The following ADGRV1 variants were observed in gnomAD, a reference collection of about 807,000 sequenced individuals.
The protein encoded by ADGRV1 is G-protein coupled receptor 98.
A neutral mutation model predicts 596.2 loss-of-function variants in ADGRV1; 359 were observed. That is an observed-to-expected ratio of 0.60 (90% CI 0.55 to 0.66). The LOEUF (loss-of-function observed/expected upper bound fraction) is 0.66. ADGRV1 is among the 30% of genes least tolerant of loss of function. The probability of loss-of-function intolerance (pLI) is 0.00; values close to 1 mark genes in which losing one functional copy is unlikely to be tolerated. For missense variants in ADGRV1, 7,274 were observed against 7,575.6 expected, an observed-to-expected ratio of 0.96 and a Z score of 1.48; for synonymous variants, 2,681 against 2,679.2, an observed-to-expected ratio of 1.00 and a Z score of -0.02.
chr5:90,820,345 A>G (rs1305242154), intron 75 of ADGRV1, among the ~76,000 whole-genome samples: 5 of 145,358 alleles, frequency 3.4e-5, no homozygotes, highest in African/African-American at 5.2e-5. Context: ...AATACAGCAC[A>G]CTGATGGGTC....
Position 90,829,010 on chromosome 5 carries a change from A to G in ADGRV1, c.16435A>G (p.Asn5479Asp). Reference protein sequence around the residue: ...YEATAGAAINNSARFAQIKIL... With the variant: ...YEATAGAAINDSARFAQIKIL... ...AGCTACTGCTGGAGCAGCAATAAACAACAGTGCCAGATTCGCACAGATTAA... is the reference window on the plus strand; with the variant it reads ...AGCTACTGCTGGAGCAGCAATAAACGACAGTGCCAGATTCGCACAGATTAA... The change falls in exon 77 of 90, where the codon AAC (asparagine) becomes GAC (aspartate). Residue 5479 changes from asparagine to aspartate, a missense_variant. By Grantham distance (23) the Asn-to-Asp change is conservative. Transcript: ENST00000405460. 1 of 1,609,786 alleles carries G rather than the reference A, an allele frequency of 6.2e-7. No homozygotes were observed. The highest frequency in any genetic ancestry group is 8.5e-7 in the Non-Finnish European group (1 of 1,177,268).
Position 90,791,007 on chromosome 5 carries a change from A to T in ADGRV1, c.14178A>T (p.Ile4726=). The stretch of plus-strand genomic sequence containing the variant: ...TGCTACCAGATGAGGTACCTGAGAT[A>T]GAGGAAGATTATGTGATCCAGCTTG... ...VHLLPDEVPE[I]EEDYVIQLVS... Residue 4726 remains isoleucine, a synonymous_variant, in exon 70 of 90, where the codon ATA becomes ATT. Transcript: ENST00000405460. The T allele has an allele frequency of 2.5e-6, 4 of 1,613,956 alleles. No homozygotes were observed. The highest frequency in any genetic ancestry group is 3.4e-6 in the Non-Finnish European group (4 of 1,179,870).
At chr5:90,980,080 A>G (rs1779961505) in intron 84 of ADGRV1, among the ~76,000 whole-genome samples, 1 of 152,148 alleles carries the variant, frequency 6.6e-6, no homozygotes, top group Non-Finnish European at 1.5e-5. Context: ...TGGGCTTTCA[A>G]TTAGGTACTC....
intron 58 of ADGRV1, among the ~76,000 whole-genome samples, chr5:90,760,376 C>T (rs892007377): frequency 4.6e-5 from 7 of 151,994 alleles, no homozygotes; most frequent in Non-Finnish European, 8.8e-5. Flanking sequence ...AGGGCCAATC[C>T]TCCAGCCTGT....
intron 1 of ADGRV1, among the ~76,000 whole-genome samples, chr5:90,566,197 G>T (rs1382163441): frequency 6.6e-6 from 1 of 151,782 alleles, no homozygotes; most frequent in Admixed American, 6.6e-5. Flanking sequence ...CTTTCCTTTG[G>T]TTGCTTATAC....
intron 56 of ADGRV1, 141 bp downstream of exon 56, chr5:90,756,771 C>G: frequency 1.2e-6 from 1 of 801,028 alleles, no homozygotes; most frequent in Non-Finnish European, 1.9e-6. Flanking sequence ...ATTCTTAGGT[C>G]TCTTTGGGCT....
intron 75 of ADGRV1, among the ~76,000 whole-genome samples, chr5:90,820,616 G>A (rs1581226995): frequency 6.6e-6 from 1 of 150,994 alleles, no homozygotes; most frequent in African/African-American, 2.4e-5. Context: ...GCCTGGTGGT[G>A]ACAAAATCTC....
At position 90,890,707 on chromosome 5, in the gene ADGRV1, C is replaced by A. The variant is rs116531075; in HGVS notation, c.17856+26850C>A. Among the ~76,000 whole-genome samples the A allele has an allele frequency of 9.4e-3, 1,433 of 152,248 alleles. 14 individuals carry two copies. Among genetic ancestry groups the A allele is most frequent in the Non-Finnish European group, 0.014 (944 of 68,010 alleles). Reference sequence around the variant, plus strand: ...GTGTAAATGTCTAGAAGGGTAATTTCTGGGCCACAGCATAAGGATATATTC... The same window carrying A: ...GTGTAAATGTCTAGAAGGGTAATTTATGGGCCACAGCATAAGGATATATTC... On this transcript the variant is annotated intron_variant, in intron 83 of 89. Transcript: ENST00000405460.
chr5:90,821,058 A>T (rs1763448663), intron 75 of ADGRV1, among the ~76,000 whole-genome samples: 1 of 152,154 alleles, frequency 6.6e-6, no homozygotes, highest in African/African-American at 2.4e-5. Flanking sequence ...TACACCAATC[A>T]GACGTAGATT....
chr5:90,724,699 C>G (rs1751531637), intron 45 of ADGRV1, 133 bp from the exon 46 acceptor site: 1 of 725,648 alleles, frequency 1.4e-6, no homozygotes, highest in African/African-American at 1.8e-5. Context: ...TCTTTTCACA[C>G]TCATACACAC....
At position 90,952,499 on chromosome 5, in the gene ADGRV1, G is replaced by A. The variant is rs191715231; in HGVS notation, c.17857-12916G>A. On this transcript the variant is annotated intron_variant, in intron 83 of 89. Transcript: ENST00000405460. ...AACACTGGAGTCTGTGGAAGGATGG[G>A]CTATCTTGACATCTGGAGCATTCTG... Among the ~76,000 whole-genome samples the A allele has an allele frequency of 2.0e-5, 3 of 152,264 alleles. No individual in the cohort carries two copies. In the East Asian group the frequency reaches 5.8e-4, roughly 29 times the overall value.
chr5:90,959,604 G>A (rs1163682704), intron 83 of ADGRV1, among the ~76,000 whole-genome samples: 1 of 152,036 alleles, frequency 6.6e-6, no homozygotes. Context: ...TGTAAACATA[G>A]ACAAATAGAT....
At chr5:90,745,008 A>T in intron 50 of ADGRV1, 38 bp from the exon 51 acceptor site, 1 of 1,461,778 alleles carries the variant, frequency 6.8e-7, no homozygotes, top group Non-Finnish European at 9.6e-7. Context: ...GTGACAGTTT[A>T]TATCTCACTC....
At chr5:91,130,365 C>G (rs13158589) in intron 87 of ADGRV1, among the ~76,000 whole-genome samples, 1 of 151,616 alleles carries the variant, frequency 6.6e-6, no homozygotes, top group Non-Finnish European at 1.5e-5. Context: ...AACCCTGTCT[C>G]TACTAAAAAT....
chr5:90,623,232 A>C (rs1274928369), intron 5 of ADGRV1, among the ~76,000 whole-genome samples: 1 of 152,264 alleles, frequency 6.6e-6, no homozygotes, highest in African/African-American at 2.4e-5. Flanking sequence ...CTTACATGAA[A>C]TACAAGTAAC....
chr5:90,747,577 A>C (rs1463555015), intron 52 of ADGRV1, among the ~76,000 whole-genome samples: 1 of 152,062 alleles, frequency 6.6e-6, no homozygotes, highest in African/African-American at 2.4e-5. Flanking sequence ...TTGAGTTGTC[A>C]CAAGATGTAT....
intron 2 of ADGRV1, 144 bp from the exon 3 acceptor site, chr5:90,617,660 A>T: frequency 1.6e-6 from 1 of 636,402 alleles, no homozygotes; most frequent in Non-Finnish European, 2.6e-6. Flanking sequence ...TTAAATATTT[A>T]TGATTTTTGT....
intron 89 of ADGRV1, among the ~76,000 whole-genome samples, chr5:91,153,719 A>G (rs1796243521): frequency 1.3e-5 from 2 of 152,254 alleles, no homozygotes; most frequent in Non-Finnish European, 2.9e-5. Context: ...TCACTGAGGG[A>G]GTTTTGCCTC....
intron 1 of ADGRV1, among the ~76,000 whole-genome samples, chr5:90,605,622 T>A (rs2152032560): frequency 6.6e-6 from 1 of 152,180 alleles, no homozygotes; most frequent in South Asian, 2.1e-4. Flanking sequence ...CTGGAAAAAA[T>A]TATTGTGTGT....
Sources: allele counts gnomAD v4.1 joint callset (sites outside exome capture counted in the v4.1 genomes callset), GRCh38; gene constraint gnomAD v4.1.1; transcripts MANE v1.5; gene names NCBI Gene and HGNC (gene_info 2026-07-23, HGNC 2026-07-21).